The following ERI1 variants were observed in gnomAD, a reference collection of about 807,000 sequenced individuals.
ERI1 encodes exoribonuclease 1, also known as 3'-5' exoribonuclease 1.
A neutral mutation model predicts 39.7 loss-of-function variants in ERI1; 39 were observed. The observed-to-expected ratio is 0.98, with a 90% CI of 0.76 to 1.28. The LOEUF (loss-of-function observed/expected upper bound fraction) is 1.28. ERI1 is among the 50% of genes most tolerant of loss of function. The pLI, the probability that ERI1 is intolerant of heterozygous loss-of-function variation, is 0.00. For missense variants in ERI1, 581 were observed against 416.9 expected (o/e 1.39, Z -3.43); for synonymous variants, 204 against 149.6 (o/e 1.36, Z -2.65).
At chr8:9,005,573 G>C (rs369462951) in intron 1 of ERI1, among the ~76,000 whole-genome samples, 2,256 of 148,830 alleles carry the variant, frequency 0.015, 50 homozygotes, top group South Asian at 0.081. Context: ...GGAGTGCAGC[G>C]GCTCAGTCTC....
chr8:9,096,308 C>T (rs1247943608), intron 3 of ERI1, among the ~76,000 whole-genome samples: 1 of 152,186 alleles, frequency 6.6e-6, no homozygotes, highest in Non-Finnish European at 1.5e-5. Flanking sequence ...GATTACAAAT[C>T]CAGCCCCGGC....
At chr8:9,083,993 C>A (rs1451871099) in intron 3 of ERI1, among the ~76,000 whole-genome samples, 1 of 152,156 alleles carries the variant, frequency 6.6e-6, no homozygotes, top group Non-Finnish European at 1.5e-5. Flanking sequence ...CGGGGTTTCA[C>A]CGTGTTAGCC....
intron 3 of ERI1, among the ~76,000 whole-genome samples, chr8:9,077,715 T>C (rs1412630683): frequency 6.6e-6 from 1 of 152,248 alleles, no homozygotes; most frequent in Non-Finnish European, 1.5e-5. Context: ...TCTATTTTCC[T>C]GAGTTAAGCT....
intron 3 of ERI1, among the ~76,000 whole-genome samples, chr8:9,013,296 T>A (rs1050938162): frequency 6.8e-6 from 1 of 146,478 alleles, no homozygotes; most frequent in African/African-American, 2.5e-5. Flanking sequence ...ATTACAGGCG[T>A]GAGCCACCAT....
intron 4 of ERI1, 22 bp from the exon 5 acceptor site, chr8:9,018,275 T>C (rs963426794): frequency 6.8e-7 from 1 of 1,461,608 alleles, no homozygotes; most frequent in African/African-American, 1.4e-5. Flanking sequence ...GATTTTTGTA[T>C]ATTTTACTTT....
intron 3 of ERI1, among the ~76,000 whole-genome samples, chr8:9,056,460 C>A (rs554071088): frequency 1.3e-5 from 2 of 152,298 alleles, no homozygotes; most frequent in African/African-American, 4.8e-5. Context: ...GTTCTTATGG[C>A]CAGTCATGCA....
In ERI1 at chr8:9,089,394, C is replaced by T. The variant is rs562962850; in HGVS notation, n.300-26954C>T. On this transcript the variant is annotated intron_variant and non_coding_transcript_variant, in intron 3 of 3. Transcript: ENST00000518663. Reference sequence around the variant, plus strand: ...TGCTGGAATTATGGGTGTGAGCTACCACACGCAGCCTGGATCTCTTTCCAG... The same window carrying T: ...TGCTGGAATTATGGGTGTGAGCTACTACACGCAGCCTGGATCTCTTTCCAG... Among the ~76,000 whole-genome samples, 42 of 152,310 alleles carry T rather than the reference C, an allele frequency of 2.8e-4. 1 individual carries two copies. In the South Asian group the frequency reaches 7.0e-3, roughly 26 times the overall value.
intron 3 of ERI1, among the ~76,000 whole-genome samples, chr8:9,069,268 G>A (rs1324118000): frequency 6.6e-6 from 1 of 152,208 alleles, no homozygotes; most frequent in African/African-American, 2.4e-5. Flanking sequence ...AATCCTCTCT[G>A]AAGCTGGGTA....
intron 6 of ERI1, among the ~76,000 whole-genome samples, chr8:9,020,820 A>G (rs766959659): frequency 2.6e-5 from 4 of 152,156 alleles, no homozygotes; most frequent in African/African-American, 7.2e-5. Flanking sequence ...TATTATTGCA[A>G]GACTTACAAT....
Position 9,033,317 on chromosome 8 carries a change from CTAAA to C in ERI1, c.*3288_*3291del, listed in dbSNP as rs1286193707. ...CGAAAATTACGAAATTTTAGTTTCT[CTAAA>C]TAAAGTTTTGGAAAGAACTACCATT... On this transcript the variant is annotated 3_prime_UTR_variant, in exon 7 of 7. Transcript: ENST00000250263. 15 of 152,230 alleles carry C rather than the reference CTAAA, an allele frequency of 9.9e-5. No individual in the cohort carries two copies. Among genetic ancestry groups the C allele is most frequent in the African/African-American group, 2.2e-4 (9 of 41,536 alleles). The allele number at this position is 152,230 out of a possible 1,614,324, so 9.4% of individuals were successfully genotyped here.
At chr8:9,003,311 C>T (rs760911871) in intron 1 of ERI1, 140 bp downstream of exon 1, 32 of 463,024 alleles carry the variant, frequency 6.9e-5, no homozygotes, top group Non-Finnish European at 1.0e-4. Flanking sequence ...CGGTGCCCAG[C>T]TCCCTGGCTT....
Position 9,043,817 on chromosome 8 carries a change from A to T in ERI1, n.299+23353A>T, listed in dbSNP as rs182119194. Among the ~76,000 whole-genome samples, 438 of 152,384 alleles carry T rather than the reference A, an allele frequency of 2.9e-3. 2 individuals carry two copies. Among genetic ancestry groups the T allele is most frequent in the African/African-American group, 0.01 (420 of 41,590 alleles). On this transcript the variant is annotated intron_variant and non_coding_transcript_variant, in intron 3 of 3. Transcript: ENST00000518663. ...ATCCTCCTACCTCAGCCTCCTGAGT[A>T]GCTGGGACTACAGGCCATAATTGTA...
chr8:9,018,374 A>G lies in ERI1; in HGVS notation c.660A>G (p.Gly220=). The G allele has an allele frequency of 1.2e-6, 2 of 1,605,088 alleles. No homozygotes were observed. Among genetic ancestry groups the G allele is most frequent in the Non-Finnish European group, 1.7e-6 (2 of 1,171,954 alleles). ...ACTGGATGAAATTGAAGGAATTAGGAACAAAGTATAAATACTCACTTTTAA... is the reference window on the plus strand; with the variant it reads ...ACTGGATGAAATTGAAGGAATTAGGGACAAAGTATAAATACTCACTTTTAA... The part of the protein sequence containing the change: ...VIDWMKLKEL[G]TKYKYSLLTD... Residue 220 remains glycine, a synonymous_variant, in exon 5 of 7, where the codon GGA becomes GGG. Transcript: ENST00000250263.
At chr8:9,005,770 A>T (rs1477014801) in intron 1 of ERI1, among the ~76,000 whole-genome samples, 2 of 152,242 alleles carry the variant, frequency 1.3e-5, no homozygotes, top group Non-Finnish European at 2.9e-5. Context: ...CTGGGATTAC[A>T]GGCGTGAGCC....
intron 3 of ERI1, among the ~76,000 whole-genome samples, chr8:9,049,180 A>T (rs1798272076): frequency 6.6e-6 from 1 of 151,620 alleles, no homozygotes; most frequent in Non-Finnish European, 1.5e-5. Flanking sequence ...TACTAAAAAT[A>T]CAAAAATTTG....
intron 1 of ERI1, among the ~76,000 whole-genome samples, chr8:9,004,485 C>CTTGTTTTTTTTTTTTTTTTT (rs1815744662): frequency 1.3e-5 from 1 of 78,328 alleles, no homozygotes; most frequent in African/African-American, 5.0e-5. Context: ...TATAGTGATA[C>CTTGTTTTTTTTTTTTTTTTT]TTTTTTTTTT....
chr8:9,044,668 T>C (rs997389450), intron 3 of ERI1, among the ~76,000 whole-genome samples: 1 of 151,818 alleles, frequency 6.6e-6, no homozygotes. Context: ...AATCATGACA[T>C]TAGAAAGAGA....
intron 3 of ERI1, among the ~76,000 whole-genome samples, chr8:9,083,181 G>T (rs1009158415): frequency 1.3e-5 from 2 of 152,170 alleles, no homozygotes; most frequent in African/African-American, 4.8e-5. Flanking sequence ...CTGTGCATTT[G>T]TCAGGGGGAA....
intron 3 of ERI1, among the ~76,000 whole-genome samples, chr8:9,066,311 G>A (rs202176459): frequency 6.6e-6 from 1 of 152,162 alleles, no homozygotes; most frequent in African/African-American, 2.4e-5. Context: ...GTGGTTGGTG[G>A]TCATCTCAGA....
Sources: gnomAD v4.1 joint callset for allele counts (sites outside exome capture counted in the v4.1 genomes callset) on GRCh38, gnomAD v4.1.1 for gene constraint, MANE v1.5 for transcripts, NCBI Gene and HGNC (gene_info 2026-07-23, HGNC 2026-07-21) for gene names.